Variants in SP6 observed in about 807,000 individuals in gnomAD.
The protein encoded by SP6 is Sp6 transcription factor.
SP6 carries 10 observed loss-of-function variants against 23.4 expected under a neutral mutation model. The observed-to-expected ratio is 0.43, with a 90% CI of 0.26 to 0.72. SP6 has a LOEUF of 0.72. Ranked by LOEUF, SP6 falls within the 30% of genes least tolerant of loss-of-function variation. The pLI, the probability that SP6 is intolerant of heterozygous loss-of-function variation, is 0.23. For missense variants in SP6, 482 were observed against 523.8 expected (o/e 0.92, Z 0.78); for synonymous variants, 238 against 238.7 (o/e 1.00, Z 0.03).
the SP6 span, among the ~76,000 whole-genome samples, chr17:47,872,814 G>A: frequency 6.6e-6 from 1 of 151,714 alleles, no homozygotes; most frequent in Non-Finnish European, 1.5e-5. Flanking sequence ...AGAGCCGTAG[G>A]AGGCCCCAGC....
the SP6 span, chr17:47,865,263 G>A: frequency 1.3e-5 from 2 of 152,332 alleles, no homozygotes; most frequent in Non-Finnish European, 2.9e-5. Flanking sequence ...TTAGGGGAGG[G>A]GACCCAGGGT....
the SP6 span, among the ~76,000 whole-genome samples, chr17:47,861,638 C>A: frequency 6.6e-6 from 1 of 151,676 alleles, no homozygotes; most frequent in Non-Finnish European, 1.5e-5. Context: ...GAAGCTGAGG[C>A]ACAAGAATCG....
rs1385226973 is a variant in SP6, at chr17:47,847,339, C to T, written c.1091G>A (p.Gly364Asp). 2 of 1,593,442 alleles carry T rather than the reference C, an allele frequency of 1.3e-6. No individual in the cohort carries two copies. Among genetic ancestry groups the T allele is most frequent in the South Asian group, 2.2e-5 (2 of 89,180 alleles). The change falls in exon 2 of 2, where the codon GGC becomes GAC. Residue 364 changes from glycine to aspartate, a missense_variant. Transcript: ENST00000536300. ...CACGCTGCCCTCGGCCTCGCGTTTG[C>T]CTTTGCCCCCGGGGGGCTCCACTGC... The part of the protein sequence containing the change: ...GGAVEPPGGK[G>D]KREAEGSVAP...
At chr17:47,869,085 C>T in the SP6 span, among the ~76,000 whole-genome samples, 1 of 152,192 alleles carries the variant, frequency 6.6e-6, no homozygotes, top group African/African-American at 2.4e-5. Flanking sequence ...CCCTGGGCTC[C>T]CTGCTTCTAT....
At position 47,847,674 on chromosome 17, in the gene SP6, A is replaced by G. The variant is rs1373035490; in HGVS notation, c.756T>C (p.His252=). The part of the protein sequence containing the change: ...PCGPDGGKKK[H]LHNCHIPGCG... ...AGCCCGGGATGTGGCAGTTGTGCAA[A>G]TGCTTCTTCTTGCCCCCATCGGGCC... The change falls in exon 2 of 2, where the codon CAT becomes CAC. Residue 252 remains histidine (H), a synonymous_variant. Coordinates refer to ENST00000536300, the MANE Select transcript of SP6 (RefSeq NM_001258248.2). 6.2e-7 allele frequency: 1 copy of G among 1,611,740 alleles called. No homozygotes were observed. The highest frequency in any genetic ancestry group is 8.5e-7 in the Non-Finnish European group (1 of 1,179,068).
the SP6 span, among the ~76,000 whole-genome samples, chr17:47,873,792 CTCTTT>C: frequency 6.6e-6 from 1 of 151,176 alleles, no homozygotes; most frequent in Non-Finnish European, 1.5e-5. Flanking sequence ...CTTTTCTTTT[CTCTTT>C]TCTTCTCTTC....
At chr17:47,861,562 A>G in the SP6 span, among the ~76,000 whole-genome samples, 3 of 152,116 alleles carry the variant, frequency 2.0e-5, no homozygotes, top group Non-Finnish European at 4.4e-5. Context: ...GTGAAAACCC[A>G]TCTCTACCAA....
At chr17:47,869,507 A>G in the SP6 span, among the ~76,000 whole-genome samples, 1 of 152,190 alleles carries the variant, frequency 6.6e-6, no homozygotes, top group Non-Finnish European at 1.5e-5. Flanking sequence ...TTGACACCCA[A>G]AGGGGGATAA....
chr17:47,869,054 C>A, the SP6 span, among the ~76,000 whole-genome samples: 1 of 152,206 alleles, frequency 6.6e-6, no homozygotes, highest in African/African-American at 2.4e-5. Flanking sequence ...GCCCTTGACT[C>A]CCCACTCCCC....
upstream of SP6, among the ~76,000 whole-genome samples, chr17:47,852,758 A>G (rs1411740318): frequency 6.6e-6 from 1 of 152,092 alleles, no homozygotes; most frequent in Non-Finnish European, 1.5e-5. Context: ...TCCAGAATCG[A>G]CGTCGGATTC....
upstream of SP6, among the ~76,000 whole-genome samples, chr17:47,852,031 C>T (rs1238747839): frequency 6.6e-6 from 1 of 152,080 alleles, no homozygotes; most frequent in Non-Finnish European, 1.5e-5. Context: ...TACGCACACC[C>T]TCGCCCCCGA....
At chr17:47,875,458 C>T in the SP6 span, among the ~76,000 whole-genome samples, 11 of 152,316 alleles carry the variant, frequency 7.2e-5, no homozygotes, top group South Asian at 2.1e-3. Flanking sequence ...CAGCAACTCC[C>T]GGTGCCTCCC....
chr17:47,868,815 C>T, the SP6 span, among the ~76,000 whole-genome samples: 1 of 151,840 alleles, frequency 6.6e-6, no homozygotes, highest in African/African-American at 2.4e-5. Context: ...GGCTTGGGAG[C>T]GGGATGGGGG....
the SP6 span, among the ~76,000 whole-genome samples, chr17:47,870,882 T>C: frequency 6.6e-6 from 1 of 152,152 alleles, no homozygotes; most frequent in East Asian, 1.9e-4. Flanking sequence ...TTTGATGGGC[T>C]CTATAACCTA....
chr17:47,866,896 GA>G, the SP6 span, among the ~76,000 whole-genome samples: 1 of 152,190 alleles, frequency 6.6e-6, no homozygotes, highest in Non-Finnish European at 1.5e-5. Flanking sequence ...AAGTGGCTGG[GA>G]GGGAGACAGG....
At chr17:47,849,386 G>C (rs62076137) in intron 1 of SP6, among the ~76,000 whole-genome samples, 36,365 of 152,146 alleles carry the variant, frequency 0.24, 5,762 homozygotes, top group Non-Finnish European at 0.36. Context: ...ACCCCTTTAA[G>C]TGATACAAGG....
rs1367861761 is a variant in SP6, at chr17:47,847,764, G to A, written c.666C>T (p.Ser222=). ...PKGSRRSVPR[S]SGQTVCRCPN... is the part of the protein sequence containing the mutation. ...GGCAGCGACAGACGGTCTGGCCTGAGCTGCGGGGCACCGACCGCCGGGAGC... is the reference window on the plus strand; with the variant it reads ...GGCAGCGACAGACGGTCTGGCCTGAACTGCGGGGCACCGACCGCCGGGAGC... The change falls in exon 2 of 2, where the codon AGC becomes AGT. Residue 222 remains serine, a synonymous_variant. Coordinates refer to ENST00000536300, the MANE Select transcript of SP6 (RefSeq NM_001258248.2). 2 of 1,563,772 alleles carry A rather than the reference G, an allele frequency of 1.3e-6. No individual in the cohort carries two copies. Among genetic ancestry groups the A allele is most frequent in the Non-Finnish European group, 1.7e-6 (2 of 1,155,746 alleles).
At chr17:47,865,799 T>C in the SP6 span, among the ~76,000 whole-genome samples, 1 of 152,034 alleles carries the variant, frequency 6.6e-6, no homozygotes, top group African/African-American at 2.4e-5. Context: ...GTTCCCTCCA[T>C]CCCCAGTCAT....
At position 47,848,532 on chromosome 17, in the gene SP6, A is replaced by T. The variant is rs1180530923; in HGVS notation, c.-57-46T>A. On this transcript the variant is annotated intron_variant, in intron 1 of 1. Coordinates refer to ENST00000536300, the MANE Select transcript of SP6 (RefSeq NM_001258248.2). The surrounding 1 kb of genome is among the most constrained non-coding windows in gnomAD (Gnocchi z 5.3). ...GAAAAGTAAGGGAAATAACCAGCTCACTTTCCCTCCTAACCCAGGTCCTCC... is the reference window on the plus strand; with the variant it reads ...GAAAAGTAAGGGAAATAACCAGCTCTCTTTCCCTCCTAACCCAGGTCCTCC... 8.9e-7 allele frequency: 1 copy of T among 1,126,054 alleles called. No individual in the cohort carries two copies. Among genetic ancestry groups the T allele is most frequent in the African/African-American group, 1.6e-5 (1 of 63,014 alleles). 69.8% of individuals were successfully genotyped at this position (1,126,054 alleles called of 1,614,324 possible).
Sources: gnomAD v4.1 joint callset for allele counts (sites outside exome capture counted in the v4.1 genomes callset) on GRCh38, gnomAD v4.1.1 for gene constraint, Gnocchi (gnomAD v3.1) non-coding constraint, MANE v1.5 for transcripts, NCBI Gene and HGNC (gene_info 2026-07-23, HGNC 2026-07-21) for gene names.